The following CDH18 variants were observed in gnomAD, a reference collection of about 807,000 sequenced individuals.
CDH18 encodes the protein cadherin 18, also known as cadherin-18.
CDH18 carries 31 observed loss-of-function variants against 67.9 expected under a neutral mutation model. That is an observed-to-expected ratio of 0.46 (90% CI 0.34 to 0.62). The LOEUF (loss-of-function observed/expected upper bound fraction) is 0.62, where lower values mean the gene tolerates loss of function less well. CDH18 is among the 20% of genes least tolerant of loss of function. The pLI is 0.01. For missense variants in CDH18, 890 were observed against 975.5 expected (o/e 0.91, Z 1.17); for synonymous variants, 362 against 347.2 (o/e 1.04, Z -0.48).
At chr5:20,394,973 C>T (rs182141331) in intron 1 of CDH18, among the ~76,000 whole-genome samples, 20 of 152,060 alleles carry the variant, frequency 1.3e-4, no homozygotes, top group African/African-American at 4.8e-4. Flanking sequence ...GAAAAGGGAA[C>T]ACTTATACAT....
intron 5 of CDH18, among the ~76,000 whole-genome samples, chr5:19,625,121 T>G (rs1008560094): frequency 2.6e-5 from 4 of 152,156 alleles, no homozygotes; most frequent in Admixed American, 2.6e-4. Context: ...TCTTATTTTC[T>G]GTGGTTCTCA....
chr5:19,817,289 A>G (rs1779391836), intron 3 of CDH18, among the ~76,000 whole-genome samples: 1 of 152,010 alleles, frequency 6.6e-6, no homozygotes, highest in Non-Finnish European at 1.5e-5. Flanking sequence ...GAGATACTGC[A>G]ACATCTATGG....
intron 7 of CDH18, among the ~76,000 whole-genome samples, chr5:19,587,368 C>T (rs1744332669): frequency 6.6e-6 from 1 of 152,034 alleles, no homozygotes; most frequent in Non-Finnish European, 1.5e-5. Context: ...TTTGCCTGTG[C>T]CTATGTCCTG....
At chr5:19,477,860 A>C (rs1228185227) in intron 12 of CDH18, among the ~76,000 whole-genome samples, 3 of 152,090 alleles carry the variant, frequency 2.0e-5, no homozygotes, top group African/African-American at 7.2e-5. Context: ...AATAATAAAT[A>C]ATTTATGATA....
intron 1 of CDH18, among the ~76,000 whole-genome samples, chr5:20,546,167 G>A (rs1240561779): frequency 6.6e-6 from 1 of 152,092 alleles, no homozygotes; most frequent in Non-Finnish European, 1.5e-5. Context: ...GACCACCTCA[G>A]CCTGGACTTC....
chr5:20,145,162 A>T (rs1750543534), intron 2 of CDH18, among the ~76,000 whole-genome samples: 1 of 152,156 alleles, frequency 6.6e-6, no homozygotes. Context: ...TTAAAAAAAT[A>T]AAAAATACTA....
chr5:20,143,198 T>C (rs1750379050), intron 2 of CDH18, among the ~76,000 whole-genome samples: 1 of 151,854 alleles, frequency 6.6e-6, no homozygotes, highest in Admixed American at 6.6e-5. Flanking sequence ...GAAATATAAA[T>C]GTTAAAGGGG....
intron 5 of CDH18, among the ~76,000 whole-genome samples, chr5:19,620,702 T>A (rs973559828): frequency 2.0e-5 from 3 of 152,152 alleles, no homozygotes; most frequent in Admixed American, 2.0e-4. Context: ...TGCTTTTTTT[T>A]ATTTTTGCTT....
At chr5:20,109,160 G>C (rs765530272) in intron 2 of CDH18, among the ~76,000 whole-genome samples, 11 of 152,086 alleles carry the variant, frequency 7.2e-5, no homozygotes, top group Non-Finnish European at 1.2e-4. Context: ...TGACAGACAA[G>C]GAAAAATCTA....
intron 1 of CDH18, among the ~76,000 whole-genome samples, chr5:20,367,617 T>A (rs376354427): frequency 6.6e-6 from 1 of 152,218 alleles, no homozygotes; most frequent in African/African-American, 2.4e-5. Flanking sequence ...AGTCTTATAC[T>A]CTTATATTAT....
chr5:19,516,028 T>A (rs985290608), intron 10 of CDH18, among the ~76,000 whole-genome samples: 2 of 152,192 alleles, frequency 1.3e-5, no homozygotes, highest in Admixed American at 6.5e-5. Flanking sequence ...ATTCCATCAA[T>A]ACCTAGTTTA....
chr5:20,200,574 G>A (rs1183548955), intron 2 of CDH18, among the ~76,000 whole-genome samples: 1 of 152,094 alleles, frequency 6.6e-6, no homozygotes, highest in African/African-American at 2.4e-5. Flanking sequence ...TACTGAGGAG[G>A]CTGAGGTAAA....
intron 9 of CDH18, among the ~76,000 whole-genome samples, chr5:19,539,057 A>G (rs1749834974): frequency 6.6e-6 from 1 of 152,214 alleles, no homozygotes; most frequent in South Asian, 2.1e-4. Context: ...TCCCAATGAC[A>G]TTAACAGGCA....
intron 2 of CDH18, among the ~76,000 whole-genome samples, chr5:19,959,466 T>C (rs1252331320): frequency 6.6e-6 from 1 of 152,076 alleles, no homozygotes; most frequent in African/African-American, 2.4e-5. Flanking sequence ...CATTTGTATT[T>C]ATTTTCCCAC....
intron 1 of CDH18, among the ~76,000 whole-genome samples, chr5:20,340,666 G>A (rs1314267052): frequency 6.6e-6 from 1 of 152,114 alleles, no homozygotes; most frequent in African/African-American, 2.4e-5. Flanking sequence ...GGCTCAGACT[G>A]CTATTACCAT....
chr5:20,383,393 A>C (rs1303411558), intron 1 of CDH18, among the ~76,000 whole-genome samples: 2 of 152,158 alleles, frequency 1.3e-5, no homozygotes, highest in African/African-American at 4.8e-5. Context: ...CATCAAAGAA[A>C]TATTTTTTCC....
intron 3 of CDH18, among the ~76,000 whole-genome samples, chr5:19,773,512 T>A (rs1319232557): frequency 6.6e-6 from 1 of 152,076 alleles, no homozygotes; most frequent in Non-Finnish European, 1.5e-5. Context: ...AGGAGCACAT[T>A]AAAGAGAAAA....
At chr5:19,991,658 T>A (rs186122973), upstream of CDH18, among the ~76,000 whole-genome samples, 5 of 152,196 alleles carry the variant, frequency 3.3e-5, no homozygotes, top group East Asian at 9.7e-4. Context: ...CTATGAAAGA[T>A]GATCTAATTT....
intron 1 of CDH18, among the ~76,000 whole-genome samples, chr5:20,262,436 C>A (rs1744725642): frequency 6.6e-6 from 1 of 152,050 alleles, no homozygotes; most frequent in Admixed American, 6.6e-5. Context: ...TAAAATGTCT[C>A]CTTAAATTAT....
Sources: allele counts gnomAD v4.1 joint callset (sites outside exome capture counted in the v4.1 genomes callset), GRCh38; gene constraint gnomAD v4.1.1; transcripts MANE v1.5; gene names NCBI Gene and HGNC (gene_info 2026-07-23, HGNC 2026-07-21).